The following MSH6 variants were observed in gnomAD, a reference collection of about 807,000 sequenced individuals.
The protein encoded by MSH6 is mutS homolog 6, also known as DNA mismatch repair protein Msh6.
In MSH6, 85 loss-of-function variants were observed where a neutral mutation model predicts 119.1. The observed-to-expected ratio is 0.71, with a 90% CI of 0.60 to 0.85. The LOEUF (loss-of-function observed/expected upper bound fraction) is 0.85, where lower values mean the gene tolerates loss of function less well. Ranked by LOEUF, MSH6 falls within the 40% of genes least tolerant of loss-of-function variation. The probability of loss-of-function intolerance (pLI) is 0.00; values close to 1 mark genes in which losing one functional copy is unlikely to be tolerated. For synonymous variants in MSH6, 830 were observed against 586.9 expected (o/e 1.41, Z -5.99); for missense variants, 2,163 against 1,655.3 (o/e 1.31, Z -5.32).
downstream of MSH6, chr2:47,807,306 C>T: frequency 4.6e-6 from 1 of 215,572 alleles, no homozygotes; most frequent in Non-Finnish European, 9.4e-6. Flanking sequence ...TAGTTTTTTA[C>T]CTTTCACAAA....
At chr2:47,789,141 G>A (rs1419004331) in intron 1 of MSH6, among the ~76,000 whole-genome samples, 1 of 150,798 alleles carries the variant, frequency 6.6e-6, no homozygotes, top group Admixed American at 6.6e-5. Flanking sequence ...GGCCAGGCTG[G>A]TCTTGAACTC....
chr2:47,792,922 G>T (rs927151359), intron 2 of MSH6, among the ~76,000 whole-genome samples: 2 of 148,540 alleles, frequency 1.3e-5, no homozygotes, highest in Admixed American at 1.4e-4. Flanking sequence ...TGAATTCTTG[G>T]CCTCCAGTGA....
At chr2:47,790,641 A>G (rs906334501) in intron 1 of MSH6, among the ~76,000 whole-genome samples, 46 of 152,158 alleles carry the variant, frequency 3.0e-4, no homozygotes, top group Admixed American at 3.0e-3. Flanking sequence ...TGCCATCAGC[A>G]TTATACCAAA....
In MSH6 at chr2:47,800,446, A is replaced by C. The variant is rs1417354553; in HGVS notation, c.2463A>C (p.Leu821=). 6.2e-7 allele frequency: 1 copy of C among 1,613,962 alleles called. No homozygotes were observed. ...LLKKLPDLER[L]LSKIHNVGSP... is the part of the protein sequence containing the mutation. ...AGAAGCTTCCAGATCTTGAGAGGCT[A>C]CTCAGTAAAATTCATAATGTTGGGT... is the stretch of plus-strand genomic sequence containing the variant. The change falls in exon 4 of 10, where the codon CTA becomes CTC. Residue 821 remains leucine (L), a synonymous_variant. Coordinates refer to ENST00000234420, the MANE Select transcript of MSH6 (RefSeq NM_000179.3).
chr2:47,788,946 T>TTTTTG (rs1553409740), intron 1 of MSH6, among the ~76,000 whole-genome samples: 19 of 115,822 alleles, frequency 1.6e-4, no homozygotes, highest in Non-Finnish European at 2.9e-4. Context: ...TTTTTTTTTT[T>TTTTTG]TGTGAGACGG....
chr2:47,808,946 T>G (rs1246958922), downstream of MSH6: 1 of 416,054 alleles, frequency 2.4e-6, no homozygotes, highest in Non-Finnish European at 4.3e-6. Context: ...ATCCTCCCAC[T>G]TCAGCCTCCC....
chr2:47,804,944 G>T lies in MSH6; in HGVS notation c.3473G>T (p.Cys1158Phe), dbSNP rs879040298. Residue 1158 changes from cysteine (C) to phenylalanine (F), a missense_variant, in exon 6 of 10, where the codon TGT becomes TTT. Transcript: ENST00000234420. Reference sequence around the variant, plus strand: ...TTAGCTGTAATGGCCCAGATGGGTTGTTACGTCCCTGCTGAAGTGTGCAGG... The same window carrying T: ...TTAGCTGTAATGGCCCAGATGGGTTTTTACGTCCCTGCTGAAGTGTGCAGG... ...GLLAVMAQMGCYVPAEVCRLT... is the reference protein window; with the variant it reads ...GLLAVMAQMGFYVPAEVCRLT... The T allele has an allele frequency of 6.2e-7, 1 of 1,614,148 alleles. No homozygotes were observed. Among genetic ancestry groups the T allele is most frequent in the South Asian group, 1.1e-5 (1 of 91,086 alleles).
At chr2:47,790,183 A>G (rs1668642607) in intron 1 of MSH6, among the ~76,000 whole-genome samples, 1 of 152,162 alleles carries the variant, frequency 6.6e-6, no homozygotes, top group East Asian at 1.9e-4. Flanking sequence ...GCACTTTGAG[A>G]GGCCAAGGCG....
At chr2:47,785,200 CATTCA>C in intron 1 of MSH6, among the ~76,000 whole-genome samples, 1 of 151,796 alleles carries the variant, frequency 6.6e-6, no homozygotes, top group South Asian at 2.1e-4. Flanking sequence ...AAAAATAACT[CATTCA>C]AGATAAGAGC....
chr2:47,804,051 T>C (rs1440220896), intron 5 of MSH6, among the ~76,000 whole-genome samples: 2 of 152,158 alleles, frequency 1.3e-5, no homozygotes, highest in Admixed American at 6.5e-5. Flanking sequence ...TTTGCAGAAA[T>C]GCAAATGAGG....
At chr2:47,792,345 C>G (rs1183838016) in intron 2 of MSH6, among the ~76,000 whole-genome samples, 1 of 152,120 alleles carries the variant, frequency 6.6e-6, no homozygotes, top group African/African-American at 2.4e-5. Flanking sequence ...GAATCACACT[C>G]TTTCGTCATA....
intron 1 of MSH6, 131 bp downstream of exon 1, chr2:47,783,624 C>A (rs267608031): frequency 1.0e-6 from 1 of 966,622 alleles, no homozygotes; most frequent in Non-Finnish European, 1.4e-6. Context: ...GGCGGGGCCG[C>A]AGAGTTGGCT....
Position 47,799,512 on chromosome 2 carries a change from G to C in MSH6, c.1529G>C (p.Arg510Thr), listed in dbSNP as rs864622572. ...ATATCCAAGTATGATAGAGTGGTGAGGAGGGAGATCTGTAGGATCATTACC... is the reference window on the plus strand; with the variant it reads ...ATATCCAAGTATGATAGAGTGGTGACGAGGGAGATCTGTAGGATCATTACC... ...AHISKYDRVVRREICRIITKG... is the reference protein window; with the variant it reads ...AHISKYDRVVTREICRIITKG... Residue 510 changes from arginine to threonine, a missense_variant, in exon 4 of 10, where the codon AGG becomes ACG. By Grantham distance (71) the Arg-to-Thr change is moderately conservative (BLOSUM62 -1). Coordinates refer to ENST00000234420, the MANE Select transcript of MSH6 (RefSeq NM_000179.3). The C allele has an allele frequency of 6.2e-7, 1 of 1,614,160 alleles. No individual in the cohort carries two copies. The highest frequency in any genetic ancestry group is 8.5e-7 in the Non-Finnish European group (1 of 1,180,028).
At chr2:47,802,873 G>C (rs1437689829) in intron 4 of MSH6, among the ~76,000 whole-genome samples, 1 of 152,086 alleles carries the variant, frequency 6.6e-6, no homozygotes, top group African/African-American at 2.4e-5. Flanking sequence ...ATTCTGCTAA[G>C]TAAGAGGCTT....
rs766377660 is a variant in MSH6, at chr2:47,806,764, T to A, written c.4002-15T>A. ...AAAACAAAAAAACTTTTTTTTTTTT[T>A]TTTTTAATTTTAAGGGAAGTTTGCC... is the stretch of plus-strand genomic sequence containing the variant. On this transcript the variant is annotated splice_polypyrimidine_tract_variant and intron_variant, in intron 9 of 9. Coordinates refer to ENST00000234420, the MANE Select transcript of MSH6 (RefSeq NM_000179.3). The A allele has an allele frequency of 6.3e-7, 1 of 1,582,948 alleles. No homozygotes were observed. The highest frequency in any genetic ancestry group is 8.6e-7 in the Non-Finnish European group (1 of 1,165,988).
rs863225408 is a variant in MSH6, at chr2:47,804,997, AGACTT to A, written c.3528_3532del (p.Leu1177CysfsTer9). The A allele has an allele frequency of 6.2e-7, 1 of 1,613,860 alleles. No homozygotes were observed. The highest frequency in any genetic ancestry group is 8.5e-7 in the Non-Finnish European group (1 of 1,179,746). ...CACACCAATTGATAGAGTGTTTACT[AGACTT>A]GGTGCCTCAGACAGAATAATGTCAG... is the stretch of plus-strand genomic sequence containing the variant. On this transcript the variant is annotated frameshift_variant, in exon 6 of 10. Transcript: ENST00000234420. LOFTEE classifies it high-confidence loss of function.
intron 5 of MSH6, among the ~76,000 whole-genome samples, 169 bp downstream of exon 5, chr2:47,803,854 G>GA (rs1669784326): frequency 6.6e-6 from 1 of 152,196 alleles, no homozygotes; most frequent in Non-Finnish European, 1.5e-5. Flanking sequence ...ATATTTAGCT[G>GA]AAACATCGAT....
At chr2:47,791,648 C>T (rs915105085) in intron 2 of MSH6, among the ~76,000 whole-genome samples, 7 of 151,068 alleles carry the variant, frequency 4.6e-5, no homozygotes, top group African/African-American at 9.7e-5. Context: ...TGCACCCCAT[C>T]GTCTCTTGTA....
At chr2:47,803,891 A>T (rs1013634180) in intron 5 of MSH6, among the ~76,000 whole-genome samples, 19 of 152,226 alleles carry the variant, frequency 1.2e-4, no homozygotes, top group African/African-American at 4.6e-4. Context: ...AATATATGTT[A>T]AAAAGGGGAA....
Sources: allele counts gnomAD v4.1 joint callset (sites outside exome capture counted in the v4.1 genomes callset), GRCh38; gene constraint gnomAD v4.1.1; transcripts MANE v1.5; gene names NCBI Gene and HGNC (gene_info 2026-07-23, HGNC 2026-07-21).